The following CD40LG variants were observed in gnomAD, a reference collection of about 807,000 sequenced individuals.
The protein encoded by CD40LG is CD40 antigen ligand.
A neutral mutation model predicts 17.2 loss-of-function variants in CD40LG; 1 was observed. The observed-to-expected ratio is 0.06, with a 90% CI of 0.02 to 0.28. CD40LG has a LOEUF of 0.28. CD40LG is among the 10% of genes least tolerant of loss of function. The probability of loss-of-function intolerance (pLI) is 1.00; values close to 1 mark genes in which losing one functional copy is unlikely to be tolerated. For synonymous variants in CD40LG, 66 were observed against 74.4 expected, an observed-to-expected ratio of 0.89 and a Z score of 0.58; for missense variants, 133 against 193.2, an observed-to-expected ratio of 0.69 and a Z score of 1.85.
chrX:136,649,741 G>T (rs1403563881), intron 1 of CD40LG, among the ~76,000 whole-genome samples: 2 of 112,785 alleles, frequency 1.8e-5, no homozygotes, highest in Non-Finnish European at 3.8e-5. Flanking sequence ...GATAAAAGAT[G>T]ATTTCTTTAA....
At chrX:136,656,292 A>G (rs1403406884) in intron 3 of CD40LG, 64 bp from the exon 4 acceptor site, 2 of 820,060 alleles carry the variant, frequency 2.4e-6, no homozygotes, top group Admixed American at 4.4e-5. Context: ...GTAGAACTGG[A>G]CCAGATAGTT....
chrX:136,649,247 A>AT (rs1792256169), intron 1 of CD40LG, among the ~76,000 whole-genome samples: 1 of 112,752 alleles, frequency 8.9e-6, no homozygotes, highest in African/African-American at 3.2e-5. Flanking sequence ...TTCTGGATGC[A>AT]GGAACTGTGG....
chrX:136,656,486 C>T, intron 4 of CD40LG, 68 bp downstream of exon 4: 1 of 914,741 alleles, frequency 1.1e-6, no homozygotes. Context: ...GTCATGTTAC[C>T]TAATGGTTAA....
chrX:136,654,328 C>A, intron 2 of CD40LG, 45 bp from the exon 3 acceptor site: 1 of 925,843 alleles, frequency 1.1e-6, no homozygotes, highest in Non-Finnish European at 1.6e-6. Context: ...AACCCCACAG[C>A]AGAGCCCCTG....
intron 1 of CD40LG, among the ~76,000 whole-genome samples, chrX:136,648,980 G>A (rs1905529453): frequency 8.9e-6 from 1 of 112,266 alleles, no homozygotes. Flanking sequence ...TTCTTCACAA[G>A]CACTGATTGT....
chrX:136,650,735 C>T (rs1386347933), intron 2 of CD40LG, among the ~76,000 whole-genome samples: 1 of 111,386 alleles, frequency 9.0e-6, no homozygotes, highest in African/African-American at 3.3e-5. Flanking sequence ...AACCTTGATG[C>T]TCTCGCACTG....
At chrX:136,654,944 T>C (rs933611493) in intron 3 of CD40LG, among the ~76,000 whole-genome samples, 15 of 110,982 alleles carry the variant, frequency 1.4e-4, no homozygotes, top group African/African-American at 4.9e-4. Flanking sequence ...TCCAGCACCA[T>C]CCCCACAACA....
intron 4 of CD40LG, among the ~76,000 whole-genome samples, chrX:136,657,792 G>A (rs953448400): frequency 1.8e-5 from 2 of 111,054 alleles, no homozygotes; most frequent in Non-Finnish European, 3.8e-5. Flanking sequence ...ATGGATATCA[G>A]TCCTACAATA....
intron 2 of CD40LG, 149 bp downstream of exon 2, chrX:136,650,546 C>A (rs766288183): frequency 2.0e-6 from 1 of 510,579 alleles, no homozygotes; most frequent in African/African-American, 2.4e-5. Flanking sequence ...CAGATATACA[C>A]ACATACATGG....
chrX:136,649,072 C>T (rs1352431487), intron 1 of CD40LG, among the ~76,000 whole-genome samples: 2 of 112,346 alleles, frequency 1.8e-5, no homozygotes, highest in Non-Finnish European at 3.8e-5. Flanking sequence ...AGCAGAGTAA[C>T]TTAGTAGGCT....
Position 136,660,120 on chromosome X carries a change from ACACACAC to A in CD40LG, c.*706_*712del, listed in dbSNP as rs2076132022. 1.2e-5 allele frequency: 1 copy of A among 85,773 alleles called. No individual in the cohort carries two copies. Among genetic ancestry groups the A allele is most frequent in the African/African-American group, 4.9e-5 (1 of 20,247 alleles). 7.1% of individuals were successfully genotyped at this position (85,773 alleles called of 1,213,427 possible). A position where few individuals can be genotyped will look rare whatever the true frequency, so the allele number is the denominator to read the frequency against. ...CCCCCTTTCTAACACACACACACAC[ACACACAC>A]ACACACACACACACACACACACACA... On this transcript the variant is annotated 3_prime_UTR_variant, in exon 5 of 5. Transcript: ENST00000370629.
chrX:136,653,817 T>G (rs2076111042), intron 2 of CD40LG, among the ~76,000 whole-genome samples: 1 of 112,419 alleles, frequency 8.9e-6, no homozygotes, highest in Non-Finnish European at 1.9e-5. Flanking sequence ...ACAGTGCAAC[T>G]ATCAATAAGA....
intron 4 of CD40LG, 120 bp downstream of exon 4, chrX:136,656,538 T>C: frequency 1.7e-6 from 1 of 586,277 alleles, no homozygotes; most frequent in Non-Finnish European, 3.0e-6. Flanking sequence ...AACCTACCCC[T>C]ACACTTCTCC....
chrX:136,650,155 C>A, intron 1 of CD40LG, 111 bp from the exon 2 acceptor site: 1 of 538,401 alleles, frequency 1.9e-6, no homozygotes, highest in Non-Finnish European at 3.2e-6. Context: ...TCCATTTATG[C>A]CTGAAAGTCC....
intron 1 of CD40LG, 105 bp downstream of exon 1, chrX:136,648,509 T>A (rs1404384787): frequency 8.4e-6 from 6 of 713,567 alleles, no homozygotes; most frequent in East Asian, 3.2e-5. Context: ...AATAGAAGAA[T>A]GGTCTTGTGG....
Position 136,648,261 on chromosome X carries a change from T to C in CD40LG, c.13T>C (p.Tyr5His). 1 of 1,205,359 alleles carries C rather than the reference T, an allele frequency of 8.3e-7. No homozygotes were observed. Among genetic ancestry groups the C allele is most frequent in the South Asian group, 1.8e-5 (1 of 56,787 alleles). MIET[Y>H]NQTSPRSAAT... is the part of the protein sequence containing the mutation. Reference sequence around the variant, plus strand: ...ACTTTAACACAGCATGATCGAAACATACAACCAAACTTCTCCCCGATCTGC... The same window carrying C: ...ACTTTAACACAGCATGATCGAAACACACAACCAAACTTCTCCCCGATCTGC... Residue 5 changes from tyrosine (Y) to histidine (H), a missense_variant, in exon 1 of 5, where the codon TAC becomes CAC. Transcript: ENST00000370629.
Position 136,660,123 on chromosome X carries a change from C to CACAT in CD40LG, c.*711_*712insTACA, listed in dbSNP as rs1269340414. On this transcript the variant is annotated 3_prime_UTR_variant, in exon 5 of 5. Coordinates refer to ENST00000370629, the MANE Select transcript of CD40LG (RefSeq NM_000074.3). The stretch of plus-strand genomic sequence containing the variant: ...CCTTTCTAACACACACACACACACA[C>CACAT]ACACACACACACACACACACACACA... 43 of 91,078 alleles carry CACAT rather than the reference C, an allele frequency of 4.7e-4. No homozygotes were observed. The highest frequency in any genetic ancestry group is 2.0e-3 in the African/African-American group (42 of 21,468). The allele number at this position is 91,078 out of a possible 1,213,427, so 7.5% of individuals were successfully genotyped here. A position where few individuals can be genotyped will look rare whatever the true frequency, so the allele number is the denominator to read the frequency against.
At chrX:136,651,935 A>T (rs2076104872) in intron 2 of CD40LG, among the ~76,000 whole-genome samples, 1 of 111,127 alleles carries the variant, frequency 9.0e-6, no homozygotes, top group African/African-American at 3.3e-5. Flanking sequence ...TCTTACGGAG[A>T]CTTTTACGGT....
Position 136,648,332 on chromosome X carries a change from T to C in CD40LG, c.84T>C (p.Leu28=), listed in dbSNP as rs1273891799. 3.3e-6 allele frequency: 4 copies of C among 1,204,575 alleles called. No individual in the cohort carries two copies. The African/African-American group carries it at 5.2e-5, about 16-fold the overall frequency. ...GCATGAAAATTTTTATGTATTTACTTACTGTTTTTCTTATCACCCAGATGA... is the reference window on the plus strand; with the variant it reads ...GCATGAAAATTTTTATGTATTTACTCACTGTTTTTCTTATCACCCAGATGA... The part of the protein sequence containing the change: ...PISMKIFMYL[L]TVFLITQMIG... Residue 28 remains leucine (L), a synonymous_variant, in exon 1 of 5, where the codon CTT becomes CTC. Coordinates refer to ENST00000370629, the MANE Select transcript of CD40LG (RefSeq NM_000074.3).
Sources: allele counts gnomAD v4.1 joint callset (sites outside exome capture counted in the v4.1 genomes callset), GRCh38; gene constraint gnomAD v4.1.1; transcripts MANE v1.5; gene names NCBI Gene and HGNC (gene_info 2026-07-23, HGNC 2026-07-21).